Variants in ARSG observed in about 807,000 individuals in gnomAD.
The protein encoded by ARSG is ASG.
Under a neutral mutation model 50.5 loss-of-function variants are expected in ARSG, and 37 were observed. The observed-to-expected ratio is 0.73, with a 90% CI of 0.56 to 0.96. The LOEUF is 0.96. ARSG is among the 50% of genes least tolerant of loss of function. The probability of loss-of-function intolerance (pLI) is 0.00; values close to 1 mark genes in which losing one functional copy is unlikely to be tolerated. For missense variants in ARSG, 629 were observed against 675.3 expected, an observed-to-expected ratio of 0.93 and a Z score of 0.76; for synonymous variants, 225 against 254.6, an observed-to-expected ratio of 0.88 and a Z score of 1.11.
chr17:68,379,998 T>A, intron 8 of ARSG: 1 of 419,934 alleles, frequency 2.4e-6, no homozygotes, highest in African/African-American at 2.2e-5. Context: ...TGGGTCCACG[T>A]AATACATGAA....
intron 1 of ARSG, among the ~76,000 whole-genome samples, chr17:68,275,749 A>T (rs1555750668): frequency 1.3e-5 from 2 of 152,226 alleles, no homozygotes; most frequent in Non-Finnish European, 1.5e-5. Context: ...TGGGAGGCCG[A>T]AGCAGGTGGA....
intron 1 of ARSG, among the ~76,000 whole-genome samples, chr17:68,293,117 G>T (rs933251811): frequency 2.0e-5 from 3 of 152,094 alleles, no homozygotes; most frequent in African/African-American, 7.2e-5. Context: ...TTTTTGAGTT[G>T]TTCTTCAAAG....
intron 2 of ARSG, among the ~76,000 whole-genome samples, chr17:68,331,668 T>C (rs1263746293): frequency 2.6e-5 from 4 of 152,172 alleles, no homozygotes; most frequent in Non-Finnish European, 4.4e-5. Context: ...GGCCTGACTA[T>C]TGGGGGAAAC....
chr17:68,288,028 A>G (rs1382507143), upstream of ARSG, among the ~76,000 whole-genome samples: 2 of 126,366 alleles, frequency 1.6e-5, no homozygotes, highest in Admixed American at 1.0e-4. Context: ...ATGGAGTCTC[A>G]GTCTGTCTCC....
intron 1 of ARSG, among the ~76,000 whole-genome samples, chr17:68,285,387 C>T (rs1032799437): frequency 3.9e-5 from 6 of 152,138 alleles, no homozygotes; most frequent in Non-Finnish European, 5.9e-5. Context: ...CTCCTGGGCT[C>T]GTGCAGGGCA....
intron 4 of ARSG, among the ~76,000 whole-genome samples, chr17:68,349,337 A>G (rs1377900429): frequency 6.6e-6 from 1 of 152,134 alleles, no homozygotes; most frequent in Non-Finnish European, 1.5e-5. Context: ...ATGTACAGTC[A>G]TTTGTGTACA....
At chr17:68,329,211 C>G (rs1192865456) in intron 2 of ARSG, among the ~76,000 whole-genome samples, 2 of 152,196 alleles carry the variant, frequency 1.3e-5, no homozygotes, top group Non-Finnish European at 2.9e-5. Flanking sequence ...AGAAAAGGGC[C>G]TGAGGCCAGA....
chr17:68,350,242 A>G (rs1446500738), intron 4 of ARSG, among the ~76,000 whole-genome samples: 4 of 152,138 alleles, frequency 2.6e-5, no homozygotes, highest in Non-Finnish European at 5.9e-5. Context: ...TCTTTTAGGA[A>G]GGGTGCTTAT....
rs75363719 is a variant in ARSG at position 68,379,074 on chromosome 17, G to A, written c.983-5990G>A. Among the ~76,000 whole-genome samples, 777 of 152,198 alleles carry A rather than the reference G, an allele frequency of 5.1e-3. 7 individuals are homozygous for A. The highest frequency in any genetic ancestry group is 0.018 in the African/African-American group (748 of 41,514). On this transcript the variant is annotated intron_variant, in intron 8 of 11. Coordinates refer to ENST00000621439, the MANE Select transcript of ARSG (RefSeq NM_001267727.2). ...AACTGCGTCTCTTTCTGGGCCTTTG[G>A]CCACCAGGCTTGGTGGAATGTCCTC...
At chr17:68,447,487 T>C in the ARSG span, among the ~76,000 whole-genome samples, 4 of 152,126 alleles carry the variant, frequency 2.6e-5, no homozygotes, top group Non-Finnish European at 5.9e-5. Context: ...GCTTAAACGA[T>C]CCTCCTGCCT....
At chr17:68,284,143 A>G (rs1347206175) in intron 1 of ARSG, among the ~76,000 whole-genome samples, 1 of 149,138 alleles carries the variant, frequency 6.7e-6, no homozygotes, top group Non-Finnish European at 1.5e-5. Flanking sequence ...GCAGTGGCTC[A>G]TGCCTGTAAT....
chr17:68,340,628 A>T lies in ARSG; in HGVS notation c.219-2976A>T, dbSNP rs187168254. Among the ~76,000 whole-genome samples the T allele has an allele frequency of 3.2e-3, 487 of 152,266 alleles. 2 individuals carry two copies. The highest frequency in any genetic ancestry group is 0.011 in the African/African-American group (470 of 41,562). ...CCACATTGTCCCAAGTTTGGCCAGGAGGAGCCCCTCGAAGTTGACTCTTGG... is the reference window on the plus strand; with the variant it reads ...CCACATTGTCCCAAGTTTGGCCAGGTGGAGCCCCTCGAAGTTGACTCTTGG... On this transcript the variant is annotated intron_variant, in intron 2 of 11. Coordinates refer to ENST00000621439, the MANE Select transcript of ARSG (RefSeq NM_001267727.2).
chr17:68,274,784 CT>C (rs11342192), intron 1 of ARSG, among the ~76,000 whole-genome samples: 137,566 of 143,338 alleles, frequency 0.96, 65,946 homozygotes, highest in Non-Finnish European at 0.98. Flanking sequence ...TAGTTTCTTT[CT>C]TTTTTTTTTT....
the ARSG span, among the ~76,000 whole-genome samples, chr17:68,439,017 G>A: frequency 6.6e-6 from 1 of 152,188 alleles, no homozygotes; most frequent in African/African-American, 2.4e-5. Flanking sequence ...TGGAGAAACT[G>A]GGATCTTATG....
At chr17:68,266,415 AGTATATATATGTATAT>A (rs1158513251) in intron 1 of ARSG, among the ~76,000 whole-genome samples, 6 of 72,124 alleles carry the variant, frequency 8.3e-5, no homozygotes, top group Non-Finnish European at 5.9e-5. Context: ...TTGTATAAAA[AGTATATATATGTATAT>A]ATATACTTTT....
At chr17:68,429,907 T>C in the ARSG span, 7 of 1,585,808 alleles carry the variant, frequency 4.4e-6, no homozygotes, top group Admixed American at 1.9e-5. Context: ...GTTTTCTTTT[T>C]TTCTTTTCAG....
chr17:68,368,087 A>C (rs911955249), intron 6 of ARSG, among the ~76,000 whole-genome samples: 2 of 152,158 alleles, frequency 1.3e-5, no homozygotes, highest in Non-Finnish European at 2.9e-5. Context: ...AAAGAAAGAA[A>C]GGAATGAGAG....
At chr17:68,299,228 C>T (rs1414492989) in intron 1 of ARSG, among the ~76,000 whole-genome samples, 1 of 151,368 alleles carries the variant, frequency 6.6e-6, no homozygotes, top group Non-Finnish European at 1.5e-5. Flanking sequence ...CCTCAGCCTC[C>T]TGAGTAGCCA....
upstream of ARSG, among the ~76,000 whole-genome samples, chr17:68,289,017 T>C (rs1365749166): frequency 6.6e-6 from 1 of 152,142 alleles, no homozygotes; most frequent in Non-Finnish European, 1.5e-5. Flanking sequence ...GTTTGGAGGA[T>C]TTCCTAGTAG....
Sources: allele counts gnomAD v4.1 joint callset (sites outside exome capture counted in the v4.1 genomes callset), GRCh38; gene constraint gnomAD v4.1.1; transcripts MANE v1.5; gene names NCBI Gene and HGNC (gene_info 2026-07-23, HGNC 2026-07-21).